KCNH8: variants seen among roughly 807,000 people sequenced by gnomAD.
KCNH8 encodes the protein potassium voltage-gated channel subfamily H member 8, also known as voltage-gated delayed rectifier potassium channel KCNH8.
KCNH8 carries 70 observed loss-of-function variants against 103.6 expected under a neutral mutation model. The observed-to-expected ratio is 0.68, with a 90% CI of 0.56 to 0.82. The LOEUF (loss-of-function observed/expected upper bound fraction) is 0.82. KCNH8 is among the 40% of genes least tolerant of loss of function. The pLI, the probability that KCNH8 is intolerant of heterozygous loss-of-function variation, is 0.00. For synonymous variants in KCNH8, 498 were observed against 489.4 expected (o/e 1.02, Z -0.23); for missense variants, 1,217 against 1,329.9 (o/e 0.92, Z 1.32).
chr3:19,262,991 T>A (rs1419580921), intron 2 of KCNH8, among the ~76,000 whole-genome samples: 1 of 152,048 alleles, frequency 6.6e-6, no homozygotes, highest in Non-Finnish European at 1.5e-5. Flanking sequence ...TTTTATAAAG[T>A]TCTCCTCAGG....
chr3:19,366,710 G>T (rs190637772), intron 5 of KCNH8, among the ~76,000 whole-genome samples: 5 of 151,916 alleles, frequency 3.3e-5, no homozygotes, highest in Non-Finnish European at 7.4e-5. Flanking sequence ...AATAGAAAAG[G>T]CATTATTCAC....
intron 2 of KCNH8, among the ~76,000 whole-genome samples, chr3:19,257,646 G>A (rs757130770): frequency 3.3e-5 from 5 of 152,022 alleles, no homozygotes; most frequent in Non-Finnish European, 7.4e-5. Context: ...ATTAGTAGGT[G>A]CAATATCATC....
intron 5 of KCNH8, among the ~76,000 whole-genome samples, chr3:19,353,580 T>C (rs2065835803): frequency 6.6e-6 from 1 of 152,120 alleles, no homozygotes; most frequent in Non-Finnish European, 1.5e-5. Flanking sequence ...TTGTTCAACA[T>C]ATGCAAATCA....
intron 1 of KCNH8, among the ~76,000 whole-genome samples, chr3:19,159,776 A>G (rs948670175): frequency 5.3e-5 from 8 of 152,110 alleles, no homozygotes; most frequent in African/African-American, 1.2e-4. Context: ...CTGTATCTAT[A>G]TCTATATATC....
intron 1 of KCNH8, among the ~76,000 whole-genome samples, chr3:19,225,986 C>T (rs959440509): frequency 6.6e-6 from 1 of 152,144 alleles, no homozygotes; most frequent in African/African-American, 2.4e-5. Context: ...ATATCATTAG[C>T]AATGCACATT....
chr3:19,473,145 T>G (rs1350285472), intron 11 of KCNH8, among the ~76,000 whole-genome samples: 1 of 152,212 alleles, frequency 6.6e-6, no homozygotes, highest in Non-Finnish European at 1.5e-5. Context: ...GTCTTCTGCA[T>G]ACAAGCCTAA....
intron 3 of KCNH8, among the ~76,000 whole-genome samples, chr3:19,298,193 T>C (rs1255007994): frequency 6.6e-6 from 1 of 152,220 alleles, no homozygotes; most frequent in Non-Finnish European, 1.5e-5. Flanking sequence ...CTACCTAGAA[T>C]TTTACATTGA....
chr3:19,528,991 G>T (rs79019851), intron 15 of KCNH8, among the ~76,000 whole-genome samples: 2 of 152,050 alleles, frequency 1.3e-5, no homozygotes, highest in Non-Finnish European at 2.9e-5. Context: ...AAAGAAGTTT[G>T]AAGGAGAAGA....
At chr3:19,510,988 A>G (rs1006992092) in intron 12 of KCNH8, among the ~76,000 whole-genome samples, 3 of 152,164 alleles carry the variant, frequency 2.0e-5, no homozygotes, top group Non-Finnish European at 2.9e-5. Context: ...AGGGTCAAAT[A>G]GGGTTTACTT....
intron 1 of KCNH8, among the ~76,000 whole-genome samples, chr3:19,230,109 G>A (rs1316202091): frequency 6.6e-6 from 1 of 152,110 alleles, no homozygotes; most frequent in African/African-American, 2.4e-5. Context: ...AACCATCAGA[G>A]CTCATGAGAC....
At chr3:19,217,955 T>A (rs1382593698) in intron 1 of KCNH8, among the ~76,000 whole-genome samples, 1 of 152,186 alleles carries the variant, frequency 6.6e-6, no homozygotes, top group Non-Finnish European at 1.5e-5. Flanking sequence ...TGCCAGGCAG[T>A]GGTGTTAAGG....
chr3:19,439,796 A>G (rs190847964), intron 8 of KCNH8, among the ~76,000 whole-genome samples: 54 of 152,306 alleles, frequency 3.5e-4, no homozygotes, highest in African/African-American at 1.3e-3. Context: ...GTAAAAGAAA[A>G]AAGCAAAGCC....
chr3:19,168,074 G>T (rs1458821730), intron 1 of KCNH8, among the ~76,000 whole-genome samples: 2 of 150,840 alleles, frequency 1.3e-5, no homozygotes, highest in Non-Finnish European at 1.5e-5. Flanking sequence ...GCAGTGGCGC[G>T]ATCTTGGCTC....
At chr3:19,375,245 A>G (rs1447259714) in intron 5 of KCNH8, among the ~76,000 whole-genome samples, 6 of 151,834 alleles carry the variant, frequency 4.0e-5, no homozygotes, top group Admixed American at 2.6e-4. Context: ...AGGTACACCA[A>G]TCAGACGTAG....
At chr3:19,215,961 T>C (rs2125228140) in intron 1 of KCNH8, among the ~76,000 whole-genome samples, 1 of 152,342 alleles carries the variant, frequency 6.6e-6, no homozygotes, top group Admixed American at 6.5e-5. Flanking sequence ...CAAATAGAAA[T>C]GTGCCTTTGA....
chr3:19,298,921 CAAAAAAAAAA>C (rs56304109), intron 3 of KCNH8, among the ~76,000 whole-genome samples: 1 of 77,078 alleles, frequency 1.3e-5, no homozygotes, highest in East Asian at 4.7e-4. Flanking sequence ...GACTCCGTCT[CAAAAAAAAAA>C]AAAAAAAAAA....
chr3:19,275,638 CTT>C (rs2064658958), intron 2 of KCNH8, among the ~76,000 whole-genome samples: 2 of 152,138 alleles, frequency 1.3e-5, no homozygotes, highest in South Asian at 4.2e-4. Context: ...ACTTTCATCT[CTT>C]AGTATAGTAC....
At chr3:19,209,047 A>T (rs1269433507) in intron 1 of KCNH8, among the ~76,000 whole-genome samples, 1 of 151,968 alleles carries the variant, frequency 6.6e-6, no homozygotes, top group Non-Finnish European at 1.5e-5. Flanking sequence ...GTCTATATAT[A>T]GTATATAAAT....
intron 1 of KCNH8, among the ~76,000 whole-genome samples, chr3:19,222,756 C>G (rs1370453325): frequency 2.6e-5 from 4 of 152,008 alleles, no homozygotes; most frequent in Admixed American, 2.0e-4. Flanking sequence ...GTTTTGACCA[C>G]AGATAAATCA....
Sources: gnomAD v4.1 joint callset for allele counts (sites outside exome capture counted in the v4.1 genomes callset) on GRCh38, gnomAD v4.1.1 for gene constraint, MANE v1.5 for transcripts, NCBI Gene and HGNC (gene_info 2026-07-23, HGNC 2026-07-21) for gene names.